Variants in RPN2 observed in about 807,000 individuals in gnomAD.
RPN2 encodes the protein ribophorin II.
Under a neutral mutation model 71.4 loss-of-function variants are expected in RPN2, and 29 were observed. The ratio of observed to expected loss-of-function variants is 0.41; its 90% CI spans 0.30 to 0.55. RPN2 has a LOEUF of 0.55. Ranked by LOEUF, RPN2 falls within the 20% of genes least tolerant of loss-of-function variation. The pLI, the probability that RPN2 is intolerant of heterozygous loss-of-function variation, is 0.35. For synonymous variants in RPN2, 308 were observed against 305.0 expected (o/e 1.01, Z -0.10); for missense variants, 726 against 774.1 (o/e 0.94, Z 0.74).
intron 1 of RPN2, among the ~76,000 whole-genome samples, chr20:37,180,206 G>T (rs190165538): frequency 6.6e-6 from 1 of 152,202 alleles, no homozygotes; most frequent in Admixed American, 6.5e-5. Context: ...GGTGACACAT[G>T]AATGAGTCAG....
chr20:37,213,715 C>T (rs1219911424), intron 8 of RPN2, 45 bp from the exon 9 acceptor site: 3 of 1,437,874 alleles, frequency 2.1e-6, no homozygotes, highest in Non-Finnish European at 2.0e-6. Context: ...ATATCCATGA[C>T]TTTCCTACCT....
At chr20:37,184,400 AG>A (rs1458993895) in intron 2 of RPN2, 27 bp downstream of exon 2, 2 of 1,596,158 alleles carry the variant, frequency 1.3e-6, no homozygotes, top group Non-Finnish European at 1.7e-6. Context: ...CCTGGTGGTC[AG>A]GGTGGTTCAG....
chr20:37,236,546 A>G, intron 15 of RPN2, 34 bp from the exon 16 acceptor site: 1 of 1,613,090 alleles, frequency 6.2e-7, no homozygotes, highest in Non-Finnish European at 8.5e-7. Flanking sequence ...ATTATGTTTC[A>G]TTTAATTGGA....
At chr20:37,230,161 A>C in intron 13 of RPN2, 102 bp downstream of exon 13, 7 of 927,868 alleles carry the variant, frequency 7.5e-6, no homozygotes, top group Non-Finnish European at 1.3e-5. Context: ...GATGTTTTAT[A>C]GTTTGATCCT....
In RPN2 at chr20:37,190,038, AT is replaced by A. The variant is rs567006341; in HGVS notation, c.207+5666del. 7.2e-5 allele frequency among the ~76,000 whole-genome samples: 11 copies of A among 152,294 alleles called. No homozygotes were observed. In the East Asian group the frequency reaches 2.1e-3, roughly 29 times the overall value. ...TATAGGAGATAACATTGAAATAGTA[AT>A]GTTAACCTCTGGCAGGATTTGAATG... is the stretch of plus-strand genomic sequence containing the variant. On this transcript the variant is annotated intron_variant, in intron 2 of 16. Coordinates refer to ENST00000237530, the MANE Select transcript of RPN2 (RefSeq NM_002951.5).
intron 2 of RPN2, 71 bp downstream of exon 2, chr20:37,184,444 G>A: frequency 7.6e-7 from 1 of 1,307,200 alleles, no homozygotes; most frequent in Non-Finnish European, 1.1e-6. Context: ...TATTCCTTTG[G>A]GGTAGTTCAA....
chr20:37,209,972 A>G (rs2146607353), intron 7 of RPN2, 75 bp from the exon 8 acceptor site: 2 of 1,595,660 alleles, frequency 1.3e-6, no homozygotes, highest in Non-Finnish European at 1.7e-6. Flanking sequence ...CAACCTATAG[A>G]TAAAGCACCC....
At chr20:37,208,214 G>A (rs1268212463) in intron 7 of RPN2, among the ~76,000 whole-genome samples, 1 of 150,560 alleles carries the variant, frequency 6.6e-6, no homozygotes, top group African/African-American at 2.4e-5. Flanking sequence ...AGGTTGCAGT[G>A]AGCCGAGACT....
At chr20:37,222,320 G>A (rs1298665005) in intron 9 of RPN2, among the ~76,000 whole-genome samples, 2 of 152,028 alleles carry the variant, frequency 1.3e-5, no homozygotes, top group African/African-American at 4.8e-5. Flanking sequence ...ATATAGTTCT[G>A]CTATGAATTC....
At chr20:37,204,620 T>A in intron 5 of RPN2, 147 bp from the exon 6 acceptor site, 1 of 924,324 alleles carries the variant, frequency 1.1e-6, no homozygotes, top group South Asian at 1.3e-5. Context: ...AAGCACCATT[T>A]TTGAGAAAGT....
chr20:37,212,536 A>G (rs1189940371), intron 8 of RPN2, among the ~76,000 whole-genome samples: 1 of 151,080 alleles, frequency 6.6e-6, no homozygotes. Flanking sequence ...GCTGGAATGC[A>G]GTGGCGTGAT....
In RPN2 at chr20:37,223,902, G is replaced by A. The variant is rs748815752; in HGVS notation, c.1117G>A (p.Val373Ile). ...VELRVKISTE[V>I]GITNVDLSTV... Reference sequence around the variant, plus strand: ...GCTCAGAGTCAAGATCTCCACTGAAGTTGGCATCACAAATGTTGATCTTTC... The same window carrying A: ...GCTCAGAGTCAAGATCTCCACTGAAATTGGCATCACAAATGTTGATCTTTC... The change falls in exon 10 of 17, where the codon GTT (valine) becomes ATT (isoleucine). Residue 373 changes from valine to isoleucine, a missense_variant. By Grantham distance (29) the Val-to-Ile change is conservative. Coordinates refer to ENST00000237530, the MANE Select transcript of RPN2 (RefSeq NM_002951.5). The A allele has an allele frequency of 3.7e-6, 6 of 1,614,122 alleles. No individual in the cohort carries two copies. Among genetic ancestry groups the A allele is most frequent in the Non-Finnish European group, 5.1e-6 (6 of 1,179,976 alleles).
intron 16 of RPN2, among the ~76,000 whole-genome samples, chr20:37,236,925 C>T (rs2068412502): frequency 6.8e-6 from 1 of 146,918 alleles, no homozygotes; most frequent in Non-Finnish European, 1.5e-5. Context: ...GTAATTGATG[C>T]CCCAATACAA....
At chr20:37,223,031 A>C (rs148944857) in intron 9 of RPN2, among the ~76,000 whole-genome samples, 11 of 152,360 alleles carry the variant, frequency 7.2e-5, no homozygotes, top group African/African-American at 2.2e-4. Context: ...TAGGTGGTCA[A>C]CTGGAGGCTC....
intron 2 of RPN2, among the ~76,000 whole-genome samples, chr20:37,191,746 CAGAA>C (rs2067145944): frequency 1.3e-5 from 2 of 151,600 alleles, no homozygotes; most frequent in South Asian, 2.1e-4. Context: ...ATAAGCATGT[CAGAA>C]AGGTGATTTT....
intron 2 of RPN2, among the ~76,000 whole-genome samples, chr20:37,191,236 G>A (rs375193005): frequency 6.6e-6 from 1 of 152,292 alleles, no homozygotes; most frequent in South Asian, 2.1e-4. Flanking sequence ...CAGCACTTTG[G>A]GAGGCTGAGG....
intron 8 of RPN2, among the ~76,000 whole-genome samples, chr20:37,211,125 C>T (rs140262511): frequency 0.012 from 1,792 of 151,560 alleles, 37 homozygotes; most frequent in African/African-American, 0.041. Context: ...ACCTCCACCT[C>T]CCGGCTTCAA....
At chr20:37,202,637 T>A (rs1468964195) in intron 4 of RPN2, among the ~76,000 whole-genome samples, 1 of 152,242 alleles carries the variant, frequency 6.6e-6, no homozygotes, top group Non-Finnish European at 1.5e-5. Flanking sequence ...CTAATAAGTC[T>A]TACATGTATA....
At chr20:37,187,044 T>C (rs573966845) in intron 2 of RPN2, among the ~76,000 whole-genome samples, 1 of 152,356 alleles carries the variant, frequency 6.6e-6, no homozygotes, top group Non-Finnish European at 1.5e-5. Context: ...TATTTCACTT[T>C]TAGTGATGAT....
Sources: gnomAD v4.1 joint callset for allele counts (sites outside exome capture counted in the v4.1 genomes callset) on GRCh38, gnomAD v4.1.1 for gene constraint, MANE v1.5 for transcripts, NCBI Gene and HGNC (gene_info 2026-07-23, HGNC 2026-07-21) for gene names.